CLIC6: variants seen among roughly 807,000 people sequenced by gnomAD.
CLIC6 encodes the protein CLIC family member 6.
Under a neutral mutation model 49.2 loss-of-function variants are expected in CLIC6, and 39 were observed. The observed-to-expected ratio is 0.79, with a 90% CI of 0.61 to 1.04. The LOEUF is 1.04. CLIC6 is among the 50% of genes least tolerant of loss of function. The pLI is 0.00. For synonymous variants in CLIC6, 446 were observed against 433.4 expected, an observed-to-expected ratio of 1.03 and a Z score of -0.36; for missense variants, 988 against 993.1, an observed-to-expected ratio of 0.99 and a Z score of 0.07.
chr21:34,692,213 G>A (rs1046544483), intron 1 of CLIC6, among the ~76,000 whole-genome samples: 3 of 152,186 alleles, frequency 2.0e-5, no homozygotes, highest in African/African-American at 4.8e-5. Flanking sequence ...TTATGAAAAC[G>A]AACACCTTCA....
intron 1 of CLIC6, among the ~76,000 whole-genome samples, 163 bp downstream of exon 1, chr21:34,670,925 GGAGA>G (rs1989551976): frequency 6.6e-6 from 1 of 151,986 alleles, no homozygotes; most frequent in Admixed American, 6.5e-5. Flanking sequence ...GGGATTTCCC[GGAGA>G]AGAGTTTCCA....
intron 4 of CLIC6, 47 bp from the exon 5 acceptor site, chr21:34,709,310 A>G (rs1282916250): frequency 1.3e-6 from 2 of 1,539,252 alleles, no homozygotes; most frequent in Middle Eastern, 1.7e-4. Context: ...GAAAAGTGAC[A>G]TGCACTTGCA....
intron 1 of CLIC6, among the ~76,000 whole-genome samples, chr21:34,690,861 CAAAAAA>C (rs33931156): frequency 4.0e-5 from 4 of 99,674 alleles, no homozygotes; most frequent in Non-Finnish European, 7.7e-5. Context: ...TAATACATGT[CAAAAAA>C]AAAAAAAAAA....
intron 1 of CLIC6, among the ~76,000 whole-genome samples, chr21:34,688,496 C>T (rs1476323669): frequency 1.3e-5 from 2 of 152,244 alleles, no homozygotes; most frequent in Non-Finnish European, 2.9e-5. Context: ...TCTGCATAGA[C>T]GCCCTGTATG....
At position 34,670,204 on chromosome 21, in the gene CLIC6, C is replaced by G. The variant is rs915009137; in HGVS notation, c.816C>G (p.Ala272=). 2.7e-5 allele frequency: 38 copies of G among 1,389,598 alleles called. No homozygotes were observed. Among genetic ancestry groups the G allele is most frequent in the Non-Finnish European group, 3.5e-5 (38 of 1,079,506 alleles). 86.1% of individuals were successfully genotyped at this position (1,389,598 alleles called of 1,614,324 possible). The change falls in exon 1 of 6, where the codon GCC becomes GCG. Residue 272 remains alanine, a synonymous_variant. Coordinates refer to ENST00000349499, the MANE Select transcript of CLIC6 (RefSeq NM_053277.3). The stretch of plus-strand genomic sequence containing the variant: ...TCCCGGCGGGGGACAGCGTAGAAGC[C>G]GAAGGCCCGGCGGGGGACAGCATGG... ...AGVPAGDSVE[A]EGPAGDSMDA...
chr21:34,670,813 C>T (rs1405719879), intron 1 of CLIC6, 51 bp downstream of exon 1: 1 of 1,546,398 alleles, frequency 6.5e-7, no homozygotes, highest in Non-Finnish European at 8.7e-7. Context: ...CATTCGAGGT[C>T]TTGGTCATCT....
Position 34,673,771 on chromosome 21 carries a change from C to T in CLIC6, c.1374+3009C>T, listed in dbSNP as rs149675382. Among the ~76,000 whole-genome samples, 18 of 152,302 alleles carry T rather than the reference C, an allele frequency of 1.2e-4. No individual in the cohort carries two copies. In the East Asian group the frequency reaches 3.5e-3, roughly 29 times the overall value. On this transcript the variant is annotated intron_variant, in intron 1 of 5. Coordinates refer to ENST00000349499, the MANE Select transcript of CLIC6 (RefSeq NM_053277.3). ...AACAAACAAAAAAACACCCTTTAGACTCATATTTTCTGAGTTTGAAATACT... is the reference window on the plus strand; with the variant it reads ...AACAAACAAAAAAACACCCTTTAGATTCATATTTTCTGAGTTTGAAATACT...
intron 5 of CLIC6, among the ~76,000 whole-genome samples, chr21:34,713,146 G>C (rs1055120664): frequency 6.6e-6 from 1 of 152,146 alleles, no homozygotes; most frequent in Non-Finnish European, 1.5e-5. Context: ...GAAAAGAAGG[G>C]GGTGGGGGGA....
chr21:34,673,807 T>C (rs1989614050), intron 1 of CLIC6, among the ~76,000 whole-genome samples: 1 of 152,224 alleles, frequency 6.6e-6, no homozygotes, highest in South Asian at 2.1e-4. Flanking sequence ...TGATGTAAAA[T>C]CTGGAAATTA....
At chr21:34,694,135 ATTTTTTT>A (rs57210806) in intron 1 of CLIC6, among the ~76,000 whole-genome samples, 4 of 128,420 alleles carry the variant, frequency 3.1e-5, no homozygotes, top group African/African-American at 6.3e-5. Flanking sequence ...CGCCTGGTTA[ATTTTTTT>A]TTTTTTTTTT....
chr21:34,674,191 T>C (rs1450000548), intron 1 of CLIC6, among the ~76,000 whole-genome samples: 1 of 152,120 alleles, frequency 6.6e-6, no homozygotes, highest in Admixed American at 6.5e-5. Flanking sequence ...GCTCAAGCAG[T>C]CTCCCTGTGT....
intron 1 of CLIC6, among the ~76,000 whole-genome samples, chr21:34,701,858 G>T (rs1225228837): frequency 6.6e-6 from 1 of 152,018 alleles, no homozygotes; most frequent in East Asian, 1.9e-4. Context: ...CATCAGACTG[G>T]GGGCTGGGCA....
At chr21:34,688,957 GAGCCACTTGTCC>G (rs1989936212) in intron 1 of CLIC6, among the ~76,000 whole-genome samples, 1 of 152,212 alleles carries the variant, frequency 6.6e-6, no homozygotes, top group South Asian at 2.1e-4. Flanking sequence ...GTGGTGGTGT[GAGCCACTTGTCC>G]AGCCAGGATC....
rs1989495548 is a variant in CLIC6, at chr21:34,669,775, C to G, written c.387C>G (p.Pro129=). 7 of 1,422,082 alleles carry G rather than the reference C, an allele frequency of 4.9e-6. No homozygotes were observed. Among genetic ancestry groups the G allele is most frequent in the South Asian group, 1.5e-5 (1 of 68,224 alleles). The allele number at this position is 1,422,082 out of a possible 1,614,324, so 88.1% of individuals were successfully genotyped here. ...GEPRGEAQRE[P]EDSAAPERQE... is the part of the protein sequence containing the mutation. ...CCCGCGGGGAGGCTCAGAGGGAGCC[C>G]GAGGACTCTGCGGCCCCCGAGAGGC... Residue 129 remains proline, a synonymous_variant, in exon 1 of 6, where the codon CCC becomes CCG. Transcript: ENST00000349499.
At chr21:34,702,920 A>T (rs1046889943) in intron 1 of CLIC6, among the ~76,000 whole-genome samples, 1 of 152,024 alleles carries the variant, frequency 6.6e-6, no homozygotes, top group Non-Finnish European at 1.5e-5. Flanking sequence ...CTGGCCTCCC[A>T]CACCTCACTC....
chr21:34,699,415 C>CTTTTTTTTTTT (rs10604054), intron 1 of CLIC6, among the ~76,000 whole-genome samples: 1 of 134,844 alleles, frequency 7.4e-6, no homozygotes, highest in Non-Finnish European at 1.6e-5. Flanking sequence ...CCATACCTGG[C>CTTTTTTTTTTT]TTTTTTTTTT....
At position 34,670,396 on chromosome 21, in the gene CLIC6, C is replaced by T. The variant is rs756426921; in HGVS notation, c.1008C>T (p.Val336=). 4.8e-6 allele frequency: 7 copies of T among 1,457,176 alleles called. No homozygotes were observed. In the Admixed American group the frequency reaches 1.9e-4, roughly 40 times the overall value. The allele number at this position is 1,457,176 out of a possible 1,614,324, so 90.3% of individuals were successfully genotyped here. A position where few individuals can be genotyped will look rare whatever the true frequency, so the allele number is the denominator to read the frequency against. ...LAWDAAEEAE[V]PGVKGSEEAA... ...GGGACGCAGCGGAGGAGGCGGAGGT[C>T]CCGGGGGTAAAGGGGTCCGAAGAAG... The change falls in exon 1 of 6, where the codon GTC becomes GTT. Residue 336 remains valine, a synonymous_variant. Transcript: ENST00000349499.
rs138955121 is a variant in CLIC6 at position 34,707,314 on chromosome 21, C to A, written c.1409C>A (p.Pro470Gln). 1.3e-4 allele frequency: 203 copies of A among 1,613,892 alleles called. No homozygotes were observed. The highest frequency in any genetic ancestry group is 1.6e-4 in the Non-Finnish European group (193 of 1,179,950). ...GYDGESIGNC[P>Q]FSQRLFMILW... Reference sequence around the variant, plus strand: ...GATGGTGAGAGTATCGGAAATTGCCCGTTTTCTCAGCGTCTCTTTATGATT... The same window carrying A: ...GATGGTGAGAGTATCGGAAATTGCCAGTTTTCTCAGCGTCTCTTTATGATT... The change falls in exon 2 of 6, where the codon CCG becomes CAG. Residue 470 changes from proline (P) to glutamine (Q), a missense_variant. Coordinates refer to ENST00000349499, the MANE Select transcript of CLIC6 (RefSeq NM_053277.3).
chr21:34,708,074 G>T lies in CLIC6; in HGVS notation c.1610+5G>T, dbSNP rs570655683. ...GGAGAAATTAGCTCCCCCGAGGTAG[G>T]CCTCAGAAAACCAGTGTTCATAACT... is the stretch of plus-strand genomic sequence containing the variant. On this transcript the variant is annotated splice_donor_5th_base_variant and intron_variant, in intron 3 of 5. Transcript: ENST00000349499. 8 of 1,614,054 alleles carry T rather than the reference G, an allele frequency of 5.0e-6. No individual in the cohort carries two copies. The highest frequency in any genetic ancestry group is 2.2e-5 in the East Asian group (1 of 44,882).
Sources: allele counts gnomAD v4.1 joint callset (sites outside exome capture counted in the v4.1 genomes callset), GRCh38; gene constraint gnomAD v4.1.1; transcripts MANE v1.5; gene names NCBI Gene and HGNC (gene_info 2026-07-23, HGNC 2026-07-21).